KCNAB2: variants seen among roughly 807,000 people sequenced by gnomAD.
KCNAB2 encodes potassium voltage-gated channel subfamily A regulatory beta subunit 2, also known as voltage-gated potassium channel subunit beta-2.
In KCNAB2, 29 loss-of-function variants were observed where a neutral mutation model predicts 63.6. The observed-to-expected ratio is 0.46, with a 90% CI of 0.34 to 0.62. The LOEUF (loss-of-function observed/expected upper bound fraction) is 0.62, where lower values mean the gene tolerates loss of function less well. Ranked by LOEUF, KCNAB2 falls within the 20% of genes least tolerant of loss-of-function variation. The probability of loss-of-function intolerance (pLI) is 0.01; values close to 1 mark genes in which losing one functional copy is unlikely to be tolerated. For missense variants in KCNAB2, 359 were observed against 563.9 expected, an observed-to-expected ratio of 0.64 and a Z score of 3.68; for synonymous variants, 222 against 224.2, an observed-to-expected ratio of 0.99 and a Z score of 0.09.
In KCNAB2 at chr1:6,098,589, C is replaced by T. The variant is rs767890302; in HGVS notation, c.*15C>T. ...ACAGATCCTAAGCCGCCCCCGCCCG[C>T]CTGCTCGGACAGTTTCCGTTCCCTC... On this transcript the variant is annotated 3_prime_UTR_variant, in exon 16 of 16. Transcript: ENST00000378083. 2 of 1,612,606 alleles carry T rather than the reference C, an allele frequency of 1.2e-6. No individual in the cohort carries two copies. Among genetic ancestry groups the T allele is most frequent in the African/African-American group, 1.3e-5 (1 of 75,038 alleles).
At chr1:6,006,704 C>G (rs144324271) in intron 1 of KCNAB2, among the ~76,000 whole-genome samples, 12 of 68,808 alleles carry the variant, frequency 1.7e-4, no homozygotes, top group South Asian at 5.3e-4. Context: ...ACATCCCCCA[C>G]TTCACCCTCA....
rs1162968274 is a variant in KCNAB2, at chr1:6,078,541, C to T, written c.301-3654C>T. On this transcript the variant is annotated intron_variant, in intron 4 of 15. Transcript: ENST00000378083. The surrounding 1 kb of genome is among the most constrained non-coding windows in gnomAD (Gnocchi z 4.2). ...AAAGAGCCTTCGGGGGCCAAGGGGA[C>T]AACCAAGGCACAGCCCTAAGGCCGA... 2.6e-5 allele frequency among the ~76,000 whole-genome samples: 4 copies of T among 152,078 alleles called. No homozygotes were observed. Among genetic ancestry groups the T allele is most frequent in the African/African-American group, 4.8e-5 (2 of 41,402 alleles).
intron 1 of KCNAB2, among the ~76,000 whole-genome samples, chr1:6,005,037 G>T (rs1325910174): frequency 3.0e-5 from 3 of 99,354 alleles, no homozygotes; most frequent in Admixed American, 9.7e-5. Flanking sequence ...GGGGGACGCG[G>T]GGGCTGAGCT....
chr1:6,098,793 GT>G lies in KCNAB2; in HGVS notation c.*221del. 1 of 553,198 alleles carries G rather than the reference GT, an allele frequency of 1.8e-6. No individual in the cohort carries two copies. 34.3% of individuals were successfully genotyped at this position (553,198 alleles called of 1,614,324 possible). On this transcript the variant is annotated 3_prime_UTR_variant, in exon 16 of 16. Coordinates refer to ENST00000378083, the MANE Select transcript of KCNAB2 (RefSeq NM_001199862.2). ...CCAGTCTGTGCCGGGGAAGGCACTG[GT>G]TAGGAAGGATGTTCAAACGGTCCCA...
Position 6,086,287 on chromosome 1 carries a change from C to T in KCNAB2, c.425+1039C>T. ...TTCCTGACACCCCTTCCTCTTGTCC[C>T]ATCAAATTTGTTTTTTGGCAACTCT... is the stretch of plus-strand genomic sequence containing the variant. On this transcript the variant is annotated intron_variant, in intron 6 of 15. Transcript: ENST00000378083. The surrounding 1 kb of genome is among the most constrained non-coding windows in gnomAD (Gnocchi z 4.2). The T allele has an allele frequency of 1.0e-6, 1 of 985,172 alleles. No individual in the cohort carries two copies. Among genetic ancestry groups the T allele is most frequent in the South Asian group, 4.7e-5 (1 of 21,278 alleles). The allele number at this position is 985,172 out of a possible 1,614,324, so 61.0% of individuals were successfully genotyped here.
intron 1 of KCNAB2, among the ~76,000 whole-genome samples, chr1:6,047,162 T>G (rs1660996648): frequency 6.6e-6 from 1 of 151,908 alleles, no homozygotes. Context: ...GCGGCCGGGA[T>G]TTGGGATATT....
At chr1:6,037,825 T>C (rs991864595) in intron 1 of KCNAB2, among the ~76,000 whole-genome samples, 1 of 151,142 alleles carries the variant, frequency 6.6e-6, no homozygotes, top group African/African-American at 2.4e-5. Flanking sequence ...CCTCCCAAAG[T>C]TCTGGGATTA....
intron 1 of KCNAB2, among the ~76,000 whole-genome samples, chr1:6,017,913 C>A (rs1658607398): frequency 6.7e-6 from 1 of 149,092 alleles, no homozygotes; most frequent in Non-Finnish European, 1.5e-5. Context: ...CAGGGTTCAG[C>A]AAAAAAAAAT....
At chr1:6,017,248 CCTT>C (rs975114378) in intron 1 of KCNAB2, among the ~76,000 whole-genome samples, 2 of 152,082 alleles carry the variant, frequency 1.3e-5, no homozygotes, top group African/African-American at 4.8e-5. Flanking sequence ...GGAAGCATGG[CCTT>C]CTTATTGAGC....
chr1:5,992,745 G>C (rs939469487), upstream of KCNAB2: 1 of 152,254 alleles, frequency 6.6e-6, no homozygotes, highest in Admixed American at 6.5e-5. Flanking sequence ...GGGCGGGAAG[G>C]AAGATCCGGC....
chr1:6,039,376 G>A (rs4908726), intron 1 of KCNAB2, among the ~76,000 whole-genome samples: 5,615 of 152,256 alleles, frequency 0.037, 127 homozygotes, highest in South Asian at 0.1. Flanking sequence ...GGAGGAAGGC[G>A]TGCAGAGCTG....
intron 10 of KCNAB2, among the ~76,000 whole-genome samples, chr1:6,093,006 CAG>C (rs1384718332): frequency 6.6e-6 from 1 of 152,232 alleles, no homozygotes; most frequent in African/African-American, 2.4e-5. Context: ...AAGGGGCACT[CAG>C]GGAGCGACCC....
chr1:6,090,919 C>T (rs1665135234), intron 9 of KCNAB2, among the ~76,000 whole-genome samples: 1 of 152,192 alleles, frequency 6.6e-6, no homozygotes, highest in African/African-American at 2.4e-5. Context: ...GGAGAAGAAG[C>T]GTTCAGCGCT....
chr1:6,095,214 C>T (rs566210678), intron 11 of KCNAB2, 109 bp from the exon 12 acceptor site: 91 of 1,203,550 alleles, frequency 7.6e-5, no homozygotes, highest in Non-Finnish European at 1.0e-4. Context: ...GCTGCAGCTG[C>T]TGGGCCAGCC....
intron 1 of KCNAB2, among the ~76,000 whole-genome samples, chr1:6,023,215 G>A (rs1002363364): frequency 1.3e-5 from 2 of 152,140 alleles, no homozygotes; most frequent in African/African-American, 4.8e-5. Context: ...GTGAACCTGG[G>A]TTGTTTCCAT....
At chr1:6,030,564 T>C (rs1659525644), upstream of KCNAB2, among the ~76,000 whole-genome samples, 1 of 151,932 alleles carries the variant, frequency 6.6e-6, no homozygotes, top group South Asian at 2.1e-4. Flanking sequence ...TGTATGTCTA[T>C]GTGTGTATGT....
At chr1:6,027,179 GGTCTTGGAGGGAGGAGGCT>G (rs1031941853) in intron 1 of KCNAB2, 4 of 153,376 alleles carry the variant, frequency 2.6e-5, no homozygotes, top group African/African-American at 9.7e-5. Flanking sequence ...TGCAGGGTGT[GGTCTTGGAGGGAGGAGGCT>G]GTAAGCCTCC....
At chr1:5,998,453 C>G (rs963802515) in intron 1 of KCNAB2, among the ~76,000 whole-genome samples, 1 of 152,168 alleles carries the variant, frequency 6.6e-6, no homozygotes, top group Non-Finnish European at 1.5e-5. Flanking sequence ...GAAGGTAGGG[C>G]TGGGGTTCAC....
chr1:6,058,038 C>G (rs1364500425), intron 2 of KCNAB2, among the ~76,000 whole-genome samples: 1 of 152,158 alleles, frequency 6.6e-6, no homozygotes, highest in Non-Finnish European at 1.5e-5. Flanking sequence ...ATGATCCCAG[C>G]TATTCCTGAG....
Sources: allele counts gnomAD v4.1 joint callset (sites outside exome capture counted in the v4.1 genomes callset), GRCh38; gene constraint gnomAD v4.1.1; non-coding constraint Gnocchi (gnomAD v3.1); transcripts MANE v1.5; gene names NCBI Gene and HGNC (gene_info 2026-07-23, HGNC 2026-07-21).